Variants in TRAPPC10 observed in about 807,000 individuals in gnomAD.
TRAPPC10 encodes trafficking protein particle complex subunit 10.
TRAPPC10 carries 23 observed loss-of-function variants against 125.5 expected under a neutral mutation model. That is an observed-to-expected ratio of 0.18 (90% CI 0.13 to 0.26). TRAPPC10 has a LOEUF of 0.26. Ranked by LOEUF, TRAPPC10 falls within the 10% of genes least tolerant of loss-of-function variation. TRAPPC10 has a pLI of 1.00. For missense variants in TRAPPC10, 1,123 were observed against 1,308.4 expected (o/e 0.86, Z 2.19); for synonymous variants, 509 against 518.0 (o/e 0.98, Z 0.24).
At chr21:44,013,452 T>C (rs1385670531) in intron 1 of TRAPPC10, among the ~76,000 whole-genome samples, 1 of 152,176 alleles carries the variant, frequency 6.6e-6, no homozygotes, top group Non-Finnish European at 1.5e-5. Context: ...TTCATGCATG[T>C]ATGCAGTTAG....
In TRAPPC10 at chr21:44,094,161, C is replaced by T. The variant is rs760256696; in HGVS notation, c.3096C>T (p.Ser1032=). 14 of 1,614,068 alleles carry T rather than the reference C, an allele frequency of 8.7e-6. No homozygotes were observed. Among genetic ancestry groups the T allele is most frequent in the South Asian group, 6.6e-5 (6 of 91,076 alleles). The change falls in exon 20 of 23, where the codon TCC becomes TCT. Residue 1032 remains serine (S), a synonymous_variant. Transcript: ENST00000291574. The part of the protein sequence containing the change: ...SLHCRFSVGF[S]PASEEQLSIS... ...ATTGCCGGTTCTCTGTTGGATTTTC[C>T]CCAGCTTCTGAGGAACAGCTGTCTA... is the stretch of plus-strand genomic sequence containing the variant.
At chr21:44,019,703 T>C (rs2032280172) in intron 1 of TRAPPC10, among the ~76,000 whole-genome samples, 1 of 152,204 alleles carries the variant, frequency 6.6e-6, no homozygotes, top group Non-Finnish European at 1.5e-5. Context: ...CAAAGACCCC[T>C]TTCCCAAATA....
intron 1 of TRAPPC10, among the ~76,000 whole-genome samples, chr21:44,025,161 C>T (rs530734934): frequency 1.3e-5 from 2 of 152,292 alleles, no homozygotes; most frequent in East Asian, 1.9e-4. Flanking sequence ...CCCTGCAGGG[C>T]GGGTTGCTGG....
intron 1 of TRAPPC10, among the ~76,000 whole-genome samples, chr21:44,014,207 C>G (rs2031534956): frequency 6.6e-6 from 1 of 152,134 alleles, no homozygotes; most frequent in Non-Finnish European, 1.5e-5. Flanking sequence ...TTGGATTCAA[C>G]CATAACTAAA....
At chr21:44,040,338 T>TTC (rs532057370) in intron 3 of TRAPPC10, among the ~76,000 whole-genome samples, 4 of 152,032 alleles carry the variant, frequency 2.6e-5, no homozygotes, top group Non-Finnish European at 5.9e-5. Flanking sequence ...TTTTTAAAAA[T>TTC]TCTCTCTCTC....
chr21:44,039,236 C>T (rs1452372653), intron 3 of TRAPPC10, among the ~76,000 whole-genome samples: 1 of 152,204 alleles, frequency 6.6e-6, no homozygotes, highest in Non-Finnish European at 1.5e-5. Flanking sequence ...ACCTTTCCAC[C>T]CATCTCCGTC....
At chr21:44,058,949 A>G (rs1370016221) in intron 5 of TRAPPC10, among the ~76,000 whole-genome samples, 154 bp from the exon 6 acceptor site, 1 of 152,242 alleles carries the variant, frequency 6.6e-6, no homozygotes, top group Non-Finnish European at 1.5e-5. Flanking sequence ...GAATGTTGAC[A>G]TATGCGGTCG....
intron 3 of TRAPPC10, among the ~76,000 whole-genome samples, chr21:44,043,471 C>T (rs1410822499): frequency 6.6e-6 from 1 of 152,116 alleles, no homozygotes; most frequent in African/African-American, 2.4e-5. Context: ...CTCGGCATCC[C>T]AAAGTGCTGG....
chr21:44,020,221 G>C (rs2032356440), intron 1 of TRAPPC10, among the ~76,000 whole-genome samples: 1 of 151,572 alleles, frequency 6.6e-6, no homozygotes, highest in South Asian at 2.1e-4. Context: ...CCGCCTCCTG[G>C]GTTCACGCTA....
intron 3 of TRAPPC10, among the ~76,000 whole-genome samples, chr21:44,043,277 G>A (rs1011836027): frequency 7.1e-5 from 9 of 127,152 alleles, no homozygotes; most frequent in Non-Finnish European, 1.3e-4. Context: ...GCAGTGGCTT[G>A]ATCTTGGCTC....
intron 7 of TRAPPC10, among the ~76,000 whole-genome samples, chr21:44,065,815 C>T (rs568617533): frequency 6.6e-5 from 10 of 152,310 alleles, no homozygotes; most frequent in South Asian, 2.1e-4. Flanking sequence ...TAGAGGGCTT[C>T]GCTGGTAACT....
In TRAPPC10 at chr21:44,087,046, C is replaced by T. The variant is rs2146155506; in HGVS notation, c.2539+86C>T. 3.3e-6 allele frequency: 5 copies of T among 1,502,456 alleles called. No individual in the cohort carries two copies. The highest frequency in any genetic ancestry group is 4.5e-6 in the Non-Finnish European group (5 of 1,102,658). The allele number at this position is 1,502,456 out of a possible 1,614,324, so 93.1% of individuals were successfully genotyped here. ...GTGAGGGTGAGCCTGGCCTTGCTGC[C>T]ATCCTGCTGAGCGCCCCTCAACAGT... On this transcript the variant is annotated intron_variant, in intron 16 of 22. Coordinates refer to ENST00000291574, the MANE Select transcript of TRAPPC10 (RefSeq NM_003274.5). The surrounding 1 kb of genome is among the most constrained non-coding windows in gnomAD (Gnocchi z 4.6).
rs542232562 is a variant in TRAPPC10, at chr21:44,054,081, G to A, written c.482+1605G>A. Reference sequence around the variant, plus strand: ...CGCACAGGAGAATTCGCGTCTGGTCGGGAATAAATGTTGGTAATTATAATC... The same window carrying A: ...CGCACAGGAGAATTCGCGTCTGGTCAGGAATAAATGTTGGTAATTATAATC... On this transcript the variant is annotated intron_variant, in intron 4 of 22. Transcript: ENST00000291574. Among the ~76,000 whole-genome samples the A allele has an allele frequency of 5.3e-5, 8 of 152,240 alleles. No homozygotes were observed. In the East Asian group the frequency reaches 1.3e-3, roughly 26 times the overall value.
At chr21:44,034,868 TGCCAGCA>T (rs774488079) in intron 2 of TRAPPC10, among the ~76,000 whole-genome samples, 77 of 152,194 alleles carry the variant, frequency 5.1e-4, no homozygotes, top group Admixed American at 4.0e-3. Context: ...ATGCTGAGGA[TGCCAGCA>T]GCCAGCAGAA....
intron 1 of TRAPPC10, among the ~76,000 whole-genome samples, chr21:44,014,815 G>C (rs566606948): frequency 6.6e-6 from 1 of 152,148 alleles, no homozygotes; most frequent in Non-Finnish European, 1.5e-5. Flanking sequence ...TCTCAGAAGA[G>C]AAGGGGGCTT....
chr21:44,023,654 T>G (rs2032780264), intron 1 of TRAPPC10, among the ~76,000 whole-genome samples: 1 of 152,362 alleles, frequency 6.6e-6, no homozygotes, highest in South Asian at 2.1e-4. Flanking sequence ...GAGCCCTGAT[T>G]CCTTTTAGTG....
chr21:44,013,659 G>C (rs187525820), intron 1 of TRAPPC10, among the ~76,000 whole-genome samples: 49 of 152,288 alleles, frequency 3.2e-4, no homozygotes, highest in African/African-American at 1.2e-3. Flanking sequence ...TGTTGCTTCA[G>C]CTTTAGGTGA....
intron 7 of TRAPPC10, among the ~76,000 whole-genome samples, chr21:44,065,032 C>T (rs1372958807): frequency 6.6e-6 from 1 of 152,124 alleles, no homozygotes; most frequent in Admixed American, 6.5e-5. Flanking sequence ...CTCCTAGAGC[C>T]GGGCTCTCTG....
chr21:44,039,057 C>T (rs1212596951), intron 3 of TRAPPC10, among the ~76,000 whole-genome samples: 1 of 152,194 alleles, frequency 6.6e-6, no homozygotes, highest in South Asian at 2.1e-4. Context: ...TTGTAATGTT[C>T]GATTTGATCA....
Sources: allele counts gnomAD v4.1 joint callset (sites outside exome capture counted in the v4.1 genomes callset), GRCh38; gene constraint gnomAD v4.1.1; non-coding constraint Gnocchi (gnomAD v3.1); transcripts MANE v1.5; gene names NCBI Gene and HGNC (gene_info 2026-07-23, HGNC 2026-07-21).